SCUBE3: variants seen among roughly 807,000 people sequenced by gnomAD.
SCUBE3 encodes signal peptide, CUB and EGF-like domain-containing protein 3.
SCUBE3 carries 33 observed loss-of-function variants against 116.8 expected under a neutral mutation model. The observed-to-expected ratio is 0.28, with a 90% CI of 0.21 to 0.38. The LOEUF is 0.38. Among genes scored for constraint, SCUBE3 ranks in the 10% least tolerant of loss-of-function variants. SCUBE3 has a pLI of 1.00. For missense variants in SCUBE3, 1,007 were observed against 1,324.8 expected (o/e 0.76, Z 3.72); for synonymous variants, 418 against 496.9 (o/e 0.84, Z 2.11).
chr6:35,231,754 G>A lies in SCUBE3; in HGVS notation c.364G>A (p.Gly122Ser), dbSNP rs1285408006. 3 of 1,613,238 alleles carry A rather than the reference G, an allele frequency of 1.9e-6. No homozygotes were observed. The highest frequency in any genetic ancestry group is 2.5e-6 in the Non-Finnish European group (3 of 1,179,328). The change falls in exon 4 of 22, where the codon GGC (glycine) becomes AGC (serine). Residue 122 changes from glycine (G) to serine (S), a missense_variant. Coordinates refer to ENST00000274938, the MANE Select transcript of SCUBE3 (RefSeq NM_152753.4). This position sits in a 1 kb window ranked among gnomAD's most constrained non-coding sequence, Gnocchi z 4.2. Reference protein sequence around the residue: ...DVDECAEGNGGCQQSCVNMMG... With the variant: ...DVDECAEGNGSCQQSCVNMMG... ...GGACGAGTGTGCCGAGGGCAACGGC[G>A]GCTGTCAGCAGAGCTGTGTCAACAT...
At position 35,239,588 on chromosome 6, in the gene SCUBE3, G is replaced by A. The variant is rs570501426; in HGVS notation, c.830-164G>A. ...GAAACAGAGACAGGAAAGAGAGAGA[G>A]AGACAGGAAAGAGAAAGAGAAAGAG... is the stretch of plus-strand genomic sequence containing the variant. On this transcript the variant is annotated intron_variant, in intron 7 of 21. Coordinates refer to ENST00000274938, the MANE Select transcript of SCUBE3 (RefSeq NM_152753.4). The surrounding 1 kb of genome is among the most constrained non-coding windows in gnomAD (Gnocchi z 4.1). Among the ~76,000 whole-genome samples the A allele has an allele frequency of 6.6e-6, 1 of 152,352 alleles. No homozygotes were observed. Among genetic ancestry groups the A allele is most frequent in the East Asian group, 1.9e-4 (1 of 5,190 alleles).
rs1378577329 is a variant in SCUBE3 at position 35,243,985 on chromosome 6, C to A, written c.2094C>A (p.His698Gln). The A allele has an allele frequency of 9.3e-6, 15 of 1,613,922 alleles. No homozygotes were observed. The highest frequency in any genetic ancestry group is 1.3e-5 in the Non-Finnish European group (15 of 1,179,946). The change falls in exon 17 of 22, where the codon CAC (histidine) becomes CAA (glutamine). Residue 698 changes from histidine (H) to glutamine (Q), a missense_variant. Physicochemically the swap from His to Gln is conservative, Grantham distance 24. This residue lies in a region of SCUBE3 where 544 missense variants were observed against 638.9 expected (regional missense o/e 0.85). Transcript: ENST00000274938. This position sits in a 1 kb window ranked among gnomAD's most constrained non-coding sequence, Gnocchi z 6.6. ...CAGGTCAGTGCCCACCTGGCCAACACTCTGTAGATGGGTTCAAGCCCTGTC... is the reference window on the plus strand; with the variant it reads ...CAGGTCAGTGCCCACCTGGCCAACAATCTGTAGATGGGTTCAAGCCCTGTC... The part of the protein sequence containing the change: ...TCAGQCPPGQ[H>Q]SVDGFKPCQP...
rs1360984023 is a variant in SCUBE3 at position 35,243,514 on chromosome 6, G to A, written c.1910-80G>A. 3.8e-6 allele frequency: 5 copies of A among 1,303,326 alleles called. No individual in the cohort carries two copies. The highest frequency in any genetic ancestry group is 4.2e-6 in the Non-Finnish European group (4 of 948,150). 80.7% of individuals were successfully genotyped at this position (1,303,326 alleles called of 1,614,324 possible). A position where few individuals can be genotyped will look rare whatever the true frequency, so the allele number is the denominator to read the frequency against. ...TTCTCCCTGAATCGGGGGTTGTGGC[G>A]GGGAGTGGGAAGGGGAGTCCCAGGC... is the stretch of plus-strand genomic sequence containing the variant. On this transcript the variant is annotated intron_variant, in intron 15 of 21. Transcript: ENST00000274938. This position sits in a 1 kb window ranked among gnomAD's most constrained non-coding sequence, Gnocchi z 6.6.
intron 1 of SCUBE3, among the ~76,000 whole-genome samples, chr6:35,224,929 TA>T (rs1377716577): frequency 6.6e-6 from 1 of 152,236 alleles, no homozygotes; most frequent in Non-Finnish European, 1.5e-5. Context: ...ATAGCAGTGC[TA>T]TTTCTGTGGT....
chr6:35,246,291 T>A lies in SCUBE3; in HGVS notation c.2832+6T>A. The A allele has an allele frequency of 6.3e-7, 1 of 1,590,342 alleles. No homozygotes were observed. The highest frequency in any genetic ancestry group is 8.6e-7 in the Non-Finnish European group (1 of 1,158,334). On this transcript the variant is annotated splice_donor_region_variant and intron_variant, in intron 21 of 21. Coordinates refer to ENST00000274938, the MANE Select transcript of SCUBE3 (RefSeq NM_152753.4). Reference sequence around the variant, plus strand: ...ACCACCAGGAGATTTTAAAGGTGAATGAATATTAACAATAATGATAGCTAA... The same window carrying A: ...ACCACCAGGAGATTTTAAAGGTGAAAGAATATTAACAATAATGATAGCTAA...
chr6:35,245,732 T>C lies in SCUBE3; in HGVS notation c.2600-212T>C, dbSNP rs1212783944. Among the ~76,000 whole-genome samples the C allele has an allele frequency of 6.6e-6, 1 of 152,152 alleles. No homozygotes were observed. The highest frequency in any genetic ancestry group is 1.5e-5 in the Non-Finnish European group (1 of 68,010). ...TTTAAATGTCATATTTATTACACTA[T>C]GTGAGTGCCCAGGTATCAAGGAGGA... On this transcript the variant is annotated intron_variant, in intron 19 of 21. Coordinates refer to ENST00000274938, the MANE Select transcript of SCUBE3 (RefSeq NM_152753.4). The surrounding 1 kb of genome is among the most constrained non-coding windows in gnomAD (Gnocchi z 4.2).
chr6:35,245,917 C>A lies in SCUBE3; in HGVS notation c.2600-27C>A. The A allele has an allele frequency of 6.2e-7, 1 of 1,612,498 alleles. No homozygotes were observed. The highest frequency in any genetic ancestry group is 1.1e-5 in the South Asian group (1 of 90,880). ...GGCTTGGGTAGCCTGCCCTGCTGCTCTACTGACCTGCTGCTTGCCTTCCCA... is the reference window on the plus strand; with the variant it reads ...GGCTTGGGTAGCCTGCCCTGCTGCTATACTGACCTGCTGCTTGCCTTCCCA... On this transcript the variant is annotated intron_variant, in intron 19 of 21. Coordinates refer to ENST00000274938, the MANE Select transcript of SCUBE3 (RefSeq NM_152753.4). This position sits in a 1 kb window ranked among gnomAD's most constrained non-coding sequence, Gnocchi z 4.2.
chr6:35,240,304 G>T lies in SCUBE3; in HGVS notation c.953-70G>T. ...GGGGGAAAGCCAAGGCCCCTCACTTGGGTCCTTCACCTGAGCAAGGGTCAA... is the reference window on the plus strand; with the variant it reads ...GGGGGAAAGCCAAGGCCCCTCACTTTGGTCCTTCACCTGAGCAAGGGTCAA... On this transcript the variant is annotated intron_variant, in intron 8 of 21. Transcript: ENST00000274938. This position sits in a 1 kb window ranked among gnomAD's most constrained non-coding sequence, Gnocchi z 4.6. The T allele has an allele frequency of 1.2e-6, 1 of 839,294 alleles. No individual in the cohort carries two copies. Among genetic ancestry groups the T allele is most frequent in the Non-Finnish European group, 1.9e-6 (1 of 532,472 alleles). 52.0% of individuals were successfully genotyped at this position (839,294 alleles called of 1,614,324 possible).
At chr6:35,248,041 G>GAT (rs1784418807) in intron 21 of SCUBE3, among the ~76,000 whole-genome samples, 1 of 152,224 alleles carries the variant, frequency 6.6e-6, no homozygotes, top group Non-Finnish European at 1.5e-5. Flanking sequence ...TGGAAAGCAA[G>GAT]ATACAGATCA....
intron 6 of SCUBE3, among the ~76,000 whole-genome samples, chr6:35,237,606 C>G (rs1018630817): frequency 6.6e-6 from 1 of 152,192 alleles, no homozygotes; most frequent in African/African-American, 2.4e-5. Flanking sequence ...CCTCCACCCC[C>G]TCGGCACATT....
At position 35,239,694 on chromosome 6, in the gene SCUBE3, CTTGT is replaced by C; in HGVS notation, c.830-52_830-49del. 1 of 1,560,202 alleles carries C rather than the reference CTTGT, an allele frequency of 6.4e-7. No homozygotes were observed. Among genetic ancestry groups the C allele is most frequent in the South Asian group, 1.2e-5 (1 of 85,388 alleles). ...TGTCAGTGAGGGAGGGATCTTTCTC[CTTGT>C]TTGTTCTCAGCCTTTGATAGTATCT... is the stretch of plus-strand genomic sequence containing the variant. On this transcript the variant is annotated intron_variant, in intron 7 of 21. Transcript: ENST00000274938. This position sits in a 1 kb window ranked among gnomAD's most constrained non-coding sequence, Gnocchi z 4.1.
Position 35,250,750 on chromosome 6 carries a change from T to A in SCUBE3, c.*2045T>A, listed in dbSNP as rs1784526118. On this transcript the variant is annotated 3_prime_UTR_variant, in exon 22 of 22. Transcript: ENST00000274938. ...TTTTCTTTTTAACTCTCCTGGTAAC[T>A]CACAGAACAGCTCAGGTTCATTTCT... 1 of 148,158 alleles carries A rather than the reference T, an allele frequency of 6.7e-6. No homozygotes were observed. 9.2% of individuals were successfully genotyped at this position (148,158 alleles called of 1,614,324 possible).
intron 7 of SCUBE3, 72 bp downstream of exon 7, chr6:35,238,090 G>A (rs1206523714): frequency 8.4e-6 from 7 of 837,322 alleles, no homozygotes; most frequent in Non-Finnish European, 1.0e-5. Flanking sequence ...GAGATAGGGT[G>A]CCTATTAGGG....
intron 1 of SCUBE3, among the ~76,000 whole-genome samples, chr6:35,224,882 T>A (rs1407706654): frequency 2.0e-5 from 3 of 152,108 alleles, no homozygotes; most frequent in Non-Finnish European, 2.9e-5. Context: ...TATCTCTTAT[T>A]CAGAACCCCA....
At chr6:35,237,670 A>G (rs1339966317) in intron 6 of SCUBE3, among the ~76,000 whole-genome samples, 1 of 151,994 alleles carries the variant, frequency 6.6e-6, no homozygotes, top group African/African-American at 2.4e-5. Flanking sequence ...CCTTGTTTCA[A>G]TCAAGTAGGG....
Position 35,241,943 on chromosome 6 carries a change from C to A in SCUBE3, c.1417+33C>A. The A allele has an allele frequency of 1.4e-6, 2 of 1,398,306 alleles. No individual in the cohort carries two copies. The highest frequency in any genetic ancestry group is 2.0e-6 in the Non-Finnish European group (2 of 991,138). 86.6% of individuals were successfully genotyped at this position (1,398,306 alleles called of 1,614,324 possible). ...CCAGCCCAGAAGCCCTGTTCCCACC[C>A]TACTCTCTTACATTAATCCCTTATT... On this transcript the variant is annotated intron_variant, in intron 12 of 21. Transcript: ENST00000274938. The surrounding 1 kb of genome is among the most constrained non-coding windows in gnomAD (Gnocchi z 4.1).
chr6:35,234,182 A>G (rs533777008), intron 6 of SCUBE3, among the ~76,000 whole-genome samples: 1 of 152,294 alleles, frequency 6.6e-6, no homozygotes, highest in Admixed American at 6.5e-5. Flanking sequence ...AATGAAAGGA[A>G]GAGGTTTGGC....
chr6:35,230,377 T>C (rs1783494572), intron 3 of SCUBE3, among the ~76,000 whole-genome samples: 1 of 152,038 alleles, frequency 6.6e-6, no homozygotes, highest in African/African-American at 2.4e-5. Context: ...AATGATTAGG[T>C]ATAGAGAGGG....
At chr6:35,223,845 G>C (rs1403620304) in intron 1 of SCUBE3, 4 of 152,220 alleles carry the variant, frequency 2.6e-5, no homozygotes, top group Non-Finnish European at 4.4e-5. Context: ...GGTATAATTT[G>C]GGGCCCTCTT....
Sources: allele counts gnomAD v4.1 joint callset (sites outside exome capture counted in the v4.1 genomes callset), GRCh38; gene constraint gnomAD v4.1.1; regional missense constraint gnomAD v4.1.1; non-coding constraint Gnocchi (gnomAD v3.1); transcripts MANE v1.5; gene names NCBI Gene and HGNC (gene_info 2026-07-23, HGNC 2026-07-21).